Variants in CNTN4 observed in about 807,000 individuals in gnomAD.
CNTN4 encodes contactin-4.
In CNTN4, 77 loss-of-function variants were observed where a neutral mutation model predicts 122.5. The observed-to-expected ratio is 0.63, with a 90% CI of 0.52 to 0.76. The LOEUF (loss-of-function observed/expected upper bound fraction) is 0.76. CNTN4 is among the 30% of genes least tolerant of loss of function. The pLI is 0.00. For synonymous variants in CNTN4, 512 were observed against 447.0 expected (o/e 1.15, Z -1.83); for missense variants, 1,256 against 1,259.1 (o/e 1.00, Z 0.04).
At chr3:2,847,272 C>T (rs2093471756) in intron 7 of CNTN4, among the ~76,000 whole-genome samples, 1 of 151,778 alleles carries the variant, frequency 6.6e-6, no homozygotes, top group Admixed American at 6.6e-5. Context: ...CATCCACAAG[C>T]AGAGAGTCAG....
At chr3:2,730,235 A>T (rs1431908688) in intron 4 of CNTN4, among the ~76,000 whole-genome samples, 4 of 152,212 alleles carry the variant, frequency 2.6e-5, no homozygotes, top group African/African-American at 7.2e-5. Context: ...TATATACCTT[A>T]TACCTATAGC....
At chr3:3,019,902 T>G (rs1698140891) in intron 14 of CNTN4, among the ~76,000 whole-genome samples, 1 of 151,054 alleles carries the variant, frequency 6.6e-6, no homozygotes, top group Non-Finnish European at 1.5e-5. Context: ...GAGGAGTGTA[T>G]ATGAAGGTGA....
At chr3:2,378,672 G>A (rs2045910229) in intron 3 of CNTN4, among the ~76,000 whole-genome samples, 1 of 152,038 alleles carries the variant, frequency 6.6e-6, no homozygotes, top group East Asian at 1.9e-4. Context: ...TGTCTCTCAT[G>A]AGATAAATGA....
At chr3:3,027,414 A>G (rs1173367122) in intron 15 of CNTN4, among the ~76,000 whole-genome samples, 1 of 152,190 alleles carries the variant, frequency 6.6e-6, no homozygotes, top group Non-Finnish European at 1.5e-5. Context: ...AGCGTAAACC[A>G]TTCTGGACCT....
At chr3:2,156,879 T>C (rs1336582018) in intron 2 of CNTN4, among the ~76,000 whole-genome samples, 1 of 152,174 alleles carries the variant, frequency 6.6e-6, no homozygotes, top group African/African-American at 2.4e-5. Flanking sequence ...TTCCTGGCTA[T>C]TTGGGGAGAG....
At chr3:3,004,253 T>C (rs116117346) in intron 14 of CNTN4, among the ~76,000 whole-genome samples, 3,352 of 152,266 alleles carry the variant, frequency 0.022, 55 homozygotes, top group Admixed American at 0.056. Context: ...GCTTGACATA[T>C]TCTTAGGGGT....
At chr3:2,741,388 A>G (rs1357445478) in intron 5 of CNTN4, among the ~76,000 whole-genome samples, 2 of 152,220 alleles carry the variant, frequency 1.3e-5, no homozygotes, top group African/African-American at 4.8e-5. Context: ...CATCACATGG[A>G]TAAGGAAAAG....
chr3:3,045,324 C>T (rs149809019), intron 23 of CNTN4, among the ~76,000 whole-genome samples: 6,704 of 152,302 alleles, frequency 0.044, 212 homozygotes, highest in East Asian at 0.16. Flanking sequence ...AATGGACAGA[C>T]TCCCTCCTCA....
chr3:2,846,044 G>T (rs1036679862), intron 7 of CNTN4, among the ~76,000 whole-genome samples: 15 of 152,172 alleles, frequency 9.9e-5, no homozygotes, highest in African/African-American at 3.4e-4. Context: ...GCAGGTCCTT[G>T]ATTAAATAGA....
At position 2,665,793 on chromosome 3, in the gene CNTN4, A is replaced by G. The variant is rs377059341; in HGVS notation, c.56-70422A>G. 4.6e-5 allele frequency among the ~76,000 whole-genome samples: 7 copies of G among 152,154 alleles called. No individual in the cohort carries two copies. In the East Asian group the frequency reaches 1.2e-3, roughly 25 times the overall value. On this transcript the variant is annotated intron_variant, in intron 4 of 24. Coordinates refer to ENST00000418658, the MANE Select transcript of CNTN4 (RefSeq NM_175607.3). ...ACATTTTCCTTTAGCTGGATACTTG[A>G]TATATGAGAAAAAATATGGGGTATC...
intron 3 of CNTN4, among the ~76,000 whole-genome samples, chr3:2,469,258 A>G (rs1024067519): frequency 2.0e-5 from 3 of 152,240 alleles, no homozygotes; most frequent in African/African-American, 7.2e-5. Flanking sequence ...TTTGCCTCTT[A>G]AGTATGGCAA....
chr3:3,045,326 C>A (rs1700534522), intron 23 of CNTN4, among the ~76,000 whole-genome samples: 1 of 152,218 alleles, frequency 6.6e-6, no homozygotes, highest in Admixed American at 6.5e-5. Flanking sequence ...TGGACAGACT[C>A]CCTCCTCAAG....
intron 6 of CNTN4, among the ~76,000 whole-genome samples, chr3:2,815,917 A>C (rs1043758639): frequency 6.9e-6 from 1 of 144,948 alleles, no homozygotes; most frequent in Non-Finnish European, 1.5e-5. Context: ...AGCCATAAAA[A>C]GGATGAATAA....
intron 6 of CNTN4, among the ~76,000 whole-genome samples, chr3:2,750,686 C>T (rs2090046795): frequency 1.3e-5 from 2 of 152,180 alleles, no homozygotes; most frequent in Non-Finnish European, 1.5e-5. Context: ...ACTTAGCCTA[C>T]TACCATACCC....
chr3:2,455,915 A>C (rs926831153), intron 3 of CNTN4, among the ~76,000 whole-genome samples: 4 of 152,100 alleles, frequency 2.6e-5, no homozygotes, highest in African/African-American at 9.7e-5. Context: ...CAGTTCTCTC[A>C]AAATCAGGGT....
chr3:2,722,092 C>G (rs572170064), intron 4 of CNTN4, among the ~76,000 whole-genome samples: 2 of 152,232 alleles, frequency 1.3e-5, no homozygotes, highest in African/African-American at 4.8e-5. Context: ...ATGAAGTTAC[C>G]CAGTTTATGT....
Position 3,053,615 on chromosome 3 carries a change from T to C in CNTN4, c.2812-192T>C, listed in dbSNP as rs180853957. 3.8e-3 allele frequency among the ~76,000 whole-genome samples: 576 copies of C among 152,322 alleles called. 19 individuals carry two copies. Among genetic ancestry groups the C allele is most frequent in the Admixed American group, 0.035 (534 of 15,294 alleles). On this transcript the variant is annotated intron_variant, in intron 23 of 24. Transcript: ENST00000418658. ...CCCTGATATAATATCCTTTCAGCTC[T>C]TTCCTTGGAATAAAATGGTAGCTGC... is the stretch of plus-strand genomic sequence containing the variant.
chr3:2,149,092 G>A (rs2035382089), intron 2 of CNTN4, among the ~76,000 whole-genome samples: 1 of 152,050 alleles, frequency 6.6e-6, no homozygotes, highest in Non-Finnish European at 1.5e-5. Flanking sequence ...AAGAGTTTTT[G>A]TGTATGTGTG....
chr3:2,399,943 A>G (rs1446440189), intron 3 of CNTN4, among the ~76,000 whole-genome samples: 2 of 152,100 alleles, frequency 1.3e-5, no homozygotes, highest in Non-Finnish European at 2.9e-5. Flanking sequence ...CAATCAATAA[A>G]TGTGAGTGAT....
Sources: gnomAD v4.1 joint callset for allele counts (sites outside exome capture counted in the v4.1 genomes callset) on GRCh38, gnomAD v4.1.1 for gene constraint, MANE v1.5 for transcripts, NCBI Gene and HGNC (gene_info 2026-07-23, HGNC 2026-07-21) for gene names.